NPAS3: variants seen among roughly 807,000 people sequenced by gnomAD.
NPAS3 encodes the protein neuronal PAS domain protein 3.
In NPAS3, 14 loss-of-function variants were observed where a neutral mutation model predicts 73.1. The observed-to-expected ratio is 0.19, with a 90% CI of 0.13 to 0.30. NPAS3 has a LOEUF of 0.30. NPAS3 is among the 10% of genes least tolerant of loss of function. The pLI is 1.00. For synonymous variants in NPAS3, 620 were observed against 541.5 expected, an observed-to-expected ratio of 1.14 and a Z score of -2.01; for missense variants, 1,096 against 1,250.0, an observed-to-expected ratio of 0.88 and a Z score of 1.86.
intron 6 of NPAS3, among the ~76,000 whole-genome samples, chr14:33,716,321 C>T (rs1041397932): frequency 2.6e-5 from 4 of 152,170 alleles, no homozygotes; most frequent in African/African-American, 9.7e-5. Flanking sequence ...TTCTCTCCAC[C>T]CTTTGTATCA....
At chr14:33,741,293 C>A (rs2061650066) in intron 7 of NPAS3, among the ~76,000 whole-genome samples, 1 of 152,132 alleles carries the variant, frequency 6.6e-6, no homozygotes, top group Non-Finnish European at 1.5e-5. Flanking sequence ...ATGTAACTGT[C>A]TTGTCAAATC....
intron 2 of NPAS3, among the ~76,000 whole-genome samples, chr14:33,130,072 A>G (rs2043577304): frequency 6.6e-6 from 1 of 152,148 alleles, no homozygotes; most frequent in South Asian, 2.1e-4. Flanking sequence ...AGCAGTCTGT[A>G]TGTGTTAACG....
chr14:33,025,655 C>T (rs1395215873), intron 1 of NPAS3, among the ~76,000 whole-genome samples: 1 of 152,096 alleles, frequency 6.6e-6, no homozygotes, highest in African/African-American at 2.4e-5. Flanking sequence ...GGGTAGATTT[C>T]CCCCTTACTG....
chr14:33,492,957 A>G (rs1402444752), intron 4 of NPAS3, among the ~76,000 whole-genome samples: 1 of 152,028 alleles, frequency 6.6e-6, no homozygotes, highest in African/African-American at 2.4e-5. Flanking sequence ...CTGTCCCTTA[A>G]CCTCGATTTA....
chr14:33,037,647 C>T (rs570929373), intron 1 of NPAS3, among the ~76,000 whole-genome samples: 28 of 152,060 alleles, frequency 1.8e-4, no homozygotes, highest in African/African-American at 5.5e-4. Context: ...GTCTGGGCAA[C>T]GGAGGCAGAC....
upstream of NPAS3, among the ~76,000 whole-genome samples, chr14:32,935,601 A>G (rs2035672040): frequency 6.6e-6 from 1 of 152,230 alleles, no homozygotes. Flanking sequence ...AGATTCAGGG[A>G]TACAAGTTAG....
chr14:32,958,326 C>G (rs2036766423), intron 1 of NPAS3, among the ~76,000 whole-genome samples: 1 of 152,188 alleles, frequency 6.6e-6, no homozygotes, highest in African/African-American at 2.4e-5. Flanking sequence ...ATTCAGCTTC[C>G]TTGTATACCT....
chr14:33,795,891 C>A (rs545455531), intron 10 of NPAS3, among the ~76,000 whole-genome samples: 8 of 152,132 alleles, frequency 5.3e-5, no homozygotes, highest in Non-Finnish European at 1.5e-5. Context: ...CAGTCTTCAA[C>A]CTCAAAAGCT....
intron 9 of NPAS3, among the ~76,000 whole-genome samples, chr14:33,793,217 A>G (rs1041144042): frequency 2.6e-5 from 4 of 152,014 alleles, no homozygotes; most frequent in African/African-American, 9.7e-5. Context: ...TGGAGCTGTC[A>G]CTCTGTTTGG....
At chr14:33,328,237 C>T (rs1248972029) in intron 3 of NPAS3, among the ~76,000 whole-genome samples, 1 of 151,884 alleles carries the variant, frequency 6.6e-6, no homozygotes, top group African/African-American at 2.4e-5. Flanking sequence ...CATGGTTCCT[C>T]TCAGGTATAG....
At chr14:33,352,272 C>T (rs951796279) in intron 3 of NPAS3, among the ~76,000 whole-genome samples, 6 of 152,280 alleles carry the variant, frequency 3.9e-5, no homozygotes, top group African/African-American at 1.2e-4. Flanking sequence ...CTAACTGGCC[C>T]AAGGTGGCAC....
At chr14:32,997,081 C>T (rs1338635989) in intron 1 of NPAS3, among the ~76,000 whole-genome samples, 1 of 152,206 alleles carries the variant, frequency 6.6e-6, no homozygotes, top group African/African-American at 2.4e-5. Flanking sequence ...GGATGTGAGA[C>T]ATGGAGTCAA....
At chr14:33,629,161 G>A (rs981064359) in intron 5 of NPAS3, among the ~76,000 whole-genome samples, 1 of 151,758 alleles carries the variant, frequency 6.6e-6, no homozygotes, top group Non-Finnish European at 1.5e-5. Flanking sequence ...CGTGAGCCCC[G>A]GAGGCGAAGT....
intron 1 of NPAS3, among the ~76,000 whole-genome samples, chr14:32,942,580 G>T (rs911117246): frequency 6.6e-6 from 1 of 152,194 alleles, no homozygotes; most frequent in African/African-American, 2.4e-5. Context: ...CTACTATGTG[G>T]ATGTATAACC....
intron 4 of NPAS3, among the ~76,000 whole-genome samples, chr14:33,557,835 G>T (rs1007597747): frequency 2.6e-5 from 4 of 152,210 alleles, no homozygotes; most frequent in African/African-American, 9.6e-5. Context: ...CAGGCGTGGT[G>T]GCGGGTGCCC....
chr14:33,147,757 A>G (rs1238996341), intron 2 of NPAS3, among the ~76,000 whole-genome samples: 4 of 147,070 alleles, frequency 2.7e-5, no homozygotes, highest in Non-Finnish European at 6.0e-5. Flanking sequence ...ATATATATAC[A>G]CACAAAAAAG....
chr14:33,693,172 A>G (rs1386255041), intron 6 of NPAS3, among the ~76,000 whole-genome samples: 1 of 152,128 alleles, frequency 6.6e-6, no homozygotes, highest in African/African-American at 2.4e-5. Context: ...CTGTGGTATC[A>G]ATTTGTTGTT....
intron 4 of NPAS3, among the ~76,000 whole-genome samples, chr14:33,386,532 C>A (rs578180038): frequency 6.6e-6 from 1 of 151,528 alleles, no homozygotes; most frequent in Non-Finnish European, 1.5e-5. Flanking sequence ...TTTAATGTAG[C>A]CTTCTATCTT....
intron 6 of NPAS3, among the ~76,000 whole-genome samples, chr14:33,716,059 G>A (rs2140517459): frequency 6.6e-6 from 1 of 152,314 alleles, no homozygotes; most frequent in Middle Eastern, 3.4e-3. Context: ...TTACACAGCA[G>A]TGTGAGAACA....
Sources: gnomAD v4.1 joint callset for allele counts (sites outside exome capture counted in the v4.1 genomes callset) on GRCh38, gnomAD v4.1.1 for gene constraint, MANE v1.5 for transcripts, NCBI Gene and HGNC (gene_info 2026-07-23, HGNC 2026-07-21) for gene names.